DGKB: variants seen among roughly 807,000 people sequenced by gnomAD.
DGKB encodes diacylglycerol kinase beta, also known as 90 kDa diacylglycerol kinase.
Under a neutral mutation model 114.3 loss-of-function variants are expected in DGKB, and 67 were observed. The ratio of observed to expected loss-of-function variants is 0.59; its 90% CI spans 0.48 to 0.72. DGKB has a LOEUF of 0.72. Among genes scored for constraint, DGKB ranks in the 30% least tolerant of loss-of-function variants. DGKB has a pLI of 0.00. For missense variants in DGKB, 907 were observed against 975.2 expected, an observed-to-expected ratio of 0.93 and a Z score of 0.93; for synonymous variants, 398 against 323.1, an observed-to-expected ratio of 1.23 and a Z score of -2.49.
intron 14 of DGKB, among the ~76,000 whole-genome samples, chr7:14,627,975 C>A (rs190892797): frequency 0.011 from 1,693 of 151,006 alleles, 7 homozygotes; most frequent in Non-Finnish European, 0.019. Context: ...ACAAAAAAAA[C>A]CAGACTTTGT....
chr7:14,688,372 T>A (rs994987966), intron 9 of DGKB, among the ~76,000 whole-genome samples: 1 of 152,124 alleles, frequency 6.6e-6, no homozygotes, highest in African/African-American at 2.4e-5. Flanking sequence ...TCCTCTCGAA[T>A]GAAAGGAAAA....
chr7:14,798,477 C>T (rs369708899), intron 2 of DGKB, among the ~76,000 whole-genome samples: 2 of 152,064 alleles, frequency 1.3e-5, no homozygotes, highest in Non-Finnish European at 2.9e-5. Context: ...ATTTTGTAAA[C>T]CTCCTTTACA....
intron 21 of DGKB, among the ~76,000 whole-genome samples, chr7:14,466,725 A>C (rs10226117): frequency 6.6e-6 from 1 of 151,714 alleles, no homozygotes; most frequent in African/African-American, 2.4e-5. Flanking sequence ...GGCTGAGGCA[A>C]TAGAATCGCT....
In DGKB at chr7:14,678,357, T is replaced by C. The variant is rs144911865; in HGVS notation, c.1035+4196A>G. 1.1e-4 allele frequency among the ~76,000 whole-genome samples: 17 copies of C among 152,170 alleles called. No homozygotes were observed. In the East Asian group the frequency reaches 3.3e-3, roughly 29 times the overall value. ...ACAGAAACTATTCAGAATCAAGATA[T>C]ATTAGCGTCAAGAAAAATTTCAAGG... On this transcript the variant is annotated intron_variant, in intron 12 of 25. Transcript: ENST00000402815.
chr7:14,288,398 C>T (rs1022647471), intron 23 of DGKB, among the ~76,000 whole-genome samples: 5 of 148,732 alleles, frequency 3.4e-5, no homozygotes, highest in Admixed American at 6.8e-5. Context: ...TGTTATATTT[C>T]ATATACTGAA....
intron 9 of DGKB, among the ~76,000 whole-genome samples, chr7:14,692,948 C>A (rs1034445676): frequency 4.0e-4 from 61 of 152,172 alleles, no homozygotes; most frequent in African/African-American, 1.4e-3. Context: ...ATTCCTAAAG[C>A]CCATTTATAT....
chr7:14,836,627 A>G (rs1010712951), intron 2 of DGKB, among the ~76,000 whole-genome samples: 2 of 152,208 alleles, frequency 1.3e-5, no homozygotes, highest in African/African-American at 4.8e-5. Context: ...TTTCTATCCT[A>G]TAACAACAGT....
chr7:14,323,362 A>G lies in DGKB; in HGVS notation c.2122+15153T>C, dbSNP rs190164035. The stretch of plus-strand genomic sequence containing the variant: ...GAGTGGTTACATAGGTGTATTGACT[A>G]TCAAAATTCATTGACGGTACATATA... On this transcript the variant is annotated intron_variant, in intron 23 of 25. Coordinates refer to ENST00000402815, the MANE Select transcript of DGKB (RefSeq NM_001350709.2). 2.6e-5 allele frequency among the ~76,000 whole-genome samples: 4 copies of G among 152,246 alleles called. No homozygotes were observed. In the East Asian group the frequency reaches 7.7e-4, roughly 29 times the overall value.
At chr7:14,407,757 A>G (rs181587924) in intron 21 of DGKB, among the ~76,000 whole-genome samples, 12 of 152,236 alleles carry the variant, frequency 7.9e-5, no homozygotes, top group African/African-American at 2.6e-4. Flanking sequence ...TGAAGATGCA[A>G]TAAGAATGAA....
chr7:14,393,531 A>G (rs2128713322), intron 21 of DGKB, among the ~76,000 whole-genome samples: 1 of 152,204 alleles, frequency 6.6e-6, no homozygotes, highest in South Asian at 2.1e-4. Context: ...TTAATTTTGC[A>G]TCTTGGACTG....
chr7:14,515,897 T>G (rs1195720419), intron 20 of DGKB, among the ~76,000 whole-genome samples: 2 of 152,142 alleles, frequency 1.3e-5, no homozygotes, highest in African/African-American at 4.8e-5. Flanking sequence ...TAGGCTGGAG[T>G]GCAGTGGCAA....
chr7:14,863,078 A>G (rs1487797570), intron 1 of DGKB, among the ~76,000 whole-genome samples: 6 of 151,702 alleles, frequency 4.0e-5, no homozygotes. Flanking sequence ...TAAATGCTTG[A>G]TATCATTTTT....
intron 21 of DGKB, among the ~76,000 whole-genome samples, chr7:14,369,187 T>C (rs766095735): frequency 6.5e-4 from 99 of 152,250 alleles, no homozygotes; most frequent in Non-Finnish European, 9.4e-4. Context: ...TTTCTGTTCC[T>C]GTGTTAGTTT....
chr7:14,946,975 A>G (rs1420237438), intron 1 of DGKB, among the ~76,000 whole-genome samples: 1 of 151,778 alleles, frequency 6.6e-6, no homozygotes, highest in Non-Finnish European at 1.5e-5. Flanking sequence ...GAAATAAGTC[A>G]TACTCTAAGA....
intron 23 of DGKB, among the ~76,000 whole-genome samples, chr7:14,200,058 T>G (rs943088128): frequency 6.6e-6 from 1 of 152,046 alleles, no homozygotes; most frequent in Non-Finnish European, 1.5e-5. Flanking sequence ...CTAGAACTTC[T>G]GGAGGCCAAC....
chr7:14,604,530 A>C (rs1465912542), intron 17 of DGKB, among the ~76,000 whole-genome samples: 1 of 152,182 alleles, frequency 6.6e-6, no homozygotes, highest in South Asian at 2.1e-4. Flanking sequence ...CTATACTTTC[A>C]AGAGTATGCA....
In DGKB at chr7:14,613,433, C is replaced by G; in HGVS notation, c.1285-20G>C. 2 of 1,408,592 alleles carry G rather than the reference C, an allele frequency of 1.4e-6. No homozygotes were observed. Among genetic ancestry groups the G allele is most frequent in the Non-Finnish European group, 1.9e-6 (2 of 1,026,460 alleles). The allele number at this position is 1,408,592 out of a possible 1,614,324, so 87.3% of individuals were successfully genotyped here. A position where few individuals can be genotyped will look rare whatever the true frequency, so the allele number is the denominator to read the frequency against. On this transcript the variant is annotated intron_variant, in intron 15 of 25. Transcript: ENST00000402815. ...AGTGACCTATAAGAAAAGTTATATA[C>G]ATGGAAAAATTATTAGGCCCATTAT...
At chr7:14,791,995 T>A (rs999631460) in intron 2 of DGKB, among the ~76,000 whole-genome samples, 1 of 152,168 alleles carries the variant, frequency 6.6e-6, no homozygotes, top group African/African-American at 2.4e-5. Flanking sequence ...TTGCTGAGTA[T>A]TCCCTTCCCT....
At chr7:14,200,282 A>T (rs1347903156) in intron 23 of DGKB, among the ~76,000 whole-genome samples, 3 of 152,058 alleles carry the variant, frequency 2.0e-5, no homozygotes, top group African/African-American at 7.2e-5. Context: ...GAATCAAAAA[A>T]TTACATGGTG....
Sources: allele counts gnomAD v4.1 joint callset (sites outside exome capture counted in the v4.1 genomes callset), GRCh38; gene constraint gnomAD v4.1.1; transcripts MANE v1.5; gene names NCBI Gene and HGNC (gene_info 2026-07-23, HGNC 2026-07-21).